Variants in RNF19A observed in about 807,000 individuals in gnomAD.
The protein encoded by RNF19A is ring finger protein 19A, RBR E3 ubiquitin protein ligase.
A neutral mutation model predicts 75.7 loss-of-function variants in RNF19A; 32 were observed. The observed-to-expected ratio is 0.42, with a 90% CI of 0.32 to 0.57. The LOEUF (loss-of-function observed/expected upper bound fraction) is 0.57. Ranked by LOEUF, RNF19A falls within the 20% of genes least tolerant of loss-of-function variation. RNF19A has a pLI of 0.10. For synonymous variants in RNF19A, 335 were observed against 345.2 expected (o/e 0.97, Z 0.33); for missense variants, 782 against 1,036.3 (o/e 0.75, Z 3.37).
At chr8:100,270,458 G>A (rs1380342209) in intron 3 of RNF19A, among the ~76,000 whole-genome samples, 2 of 152,042 alleles carry the variant, frequency 1.3e-5, no homozygotes, top group Non-Finnish European at 2.9e-5. Flanking sequence ...ACTAACAGGA[G>A]GTGACAATTT....
chr8:100,267,193 T>C (rs1324281423), intron 5 of RNF19A, among the ~76,000 whole-genome samples: 1 of 152,202 alleles, frequency 6.6e-6, no homozygotes, highest in African/African-American at 2.4e-5. Context: ...TATTAAGAAT[T>C]CATGCATCTG....
intron 1 of RNF19A, among the ~76,000 whole-genome samples, chr8:100,290,732 T>C (rs1416791034): frequency 6.6e-6 from 1 of 152,232 alleles, no homozygotes; most frequent in Non-Finnish European, 1.5e-5. Context: ...TGTCGTGTGA[T>C]CACAGAGCAC....
rs73282760 is a variant in RNF19A, at chr8:100,305,873, C to T, written c.-94+3994G>A. Reference sequence around the variant, plus strand: ...CCATTTTCAGGGGCAAATACCAATACGTGACTTAGAAATCACAAAATATAA... The same window carrying T: ...CCATTTTCAGGGGCAAATACCAATATGTGACTTAGAAATCACAAAATATAA... On this transcript the variant is annotated intron_variant, in intron 1 of 9. Coordinates refer to ENST00000341084, the MANE Select transcript of RNF19A (RefSeq NM_183419.4). Among the ~76,000 whole-genome samples the T allele has an allele frequency of 5.5e-3, 830 of 152,250 alleles. 11 individuals carry two copies. The highest frequency in any genetic ancestry group is 0.019 in the African/African-American group (801 of 41,534).
At chr8:100,268,753 G>T in intron 5 of RNF19A, 32 bp downstream of exon 5, 4 of 1,296,614 alleles carry the variant, frequency 3.1e-6, no homozygotes, top group South Asian at 1.7e-5. Flanking sequence ...TTTAGAATAA[G>T]ATAATGGACT....
chr8:100,259,762 GTA>G lies in RNF19A; in HGVS notation c.1826+90_1826+91del. ...CTTTTCTCAGAGAACTTAATAGTTG[GTA>G]GCCACTTTTCACTGGTAATTTGTCT... On this transcript the variant is annotated intron_variant, in intron 9 of 9. Transcript: ENST00000341084. The surrounding 1 kb of genome is among the most constrained non-coding windows in gnomAD (Gnocchi z 4.5). The G allele has an allele frequency of 8.8e-7, 1 of 1,132,598 alleles. No individual in the cohort carries two copies. The highest frequency in any genetic ancestry group is 1.3e-6 in the Non-Finnish European group (1 of 796,368). 70.2% of individuals were successfully genotyped at this position (1,132,598 alleles called of 1,614,324 possible).
chr8:100,319,144 CAT>C (rs372442795), intron 1 of RNF19A, among the ~76,000 whole-genome samples: 10 of 152,282 alleles, frequency 6.6e-5, no homozygotes, highest in African/African-American at 2.4e-4. Flanking sequence ...CAAAGATGGA[CAT>C]TCTATGGATG....
rs1455272967 is a variant in RNF19A, at chr8:100,261,728, T to C, written c.1496A>G (p.His499Arg). ...VDTTSVAEAR[H>R]NPSIGEGSVG... ...ACTTCCCTCCCCTATGCTTGGGTTG[T>C]GTCTTGCTTCTGCTACTGATGTTGT... Residue 499 changes from histidine to arginine, a missense_variant, in exon 8 of 10, where the codon CAC becomes CGC. By Grantham distance (29) the His-to-Arg change is conservative. Coordinates refer to ENST00000341084, the MANE Select transcript of RNF19A (RefSeq NM_183419.4). This position sits in a 1 kb window ranked among gnomAD's most constrained non-coding sequence, Gnocchi z 4.4. The C allele has an allele frequency of 3.1e-6, 5 of 1,614,082 alleles. No individual in the cohort carries two copies. Among genetic ancestry groups the C allele is most frequent in the Non-Finnish European group, 8.5e-7 (1 of 1,180,022 alleles).
chr8:100,291,227 A>G (rs1233960584), intron 1 of RNF19A, among the ~76,000 whole-genome samples: 1 of 152,202 alleles, frequency 6.6e-6, no homozygotes, highest in African/African-American at 2.4e-5. Context: ...ATAATATGAA[A>G]TTGACATGTG....
rs182407265 is a variant in RNF19A at position 100,264,945 on chromosome 8, A to G, written c.1192-160T>C. On this transcript the variant is annotated intron_variant, in intron 5 of 9. Transcript: ENST00000341084. The surrounding 1 kb of genome is among the most constrained non-coding windows in gnomAD (Gnocchi z 4.7). ...CCTACTAGTGTCCTTAAACTATTAT[A>G]TATTCTCACAAATAATTTGCTCCTT... Among the ~76,000 whole-genome samples, 233 of 152,348 alleles carry G rather than the reference A, an allele frequency of 1.5e-3. 7 individuals carry two copies. Among genetic ancestry groups the G allele is most frequent in the Admixed American group, 0.015 (225 of 15,306 alleles).
At chr8:100,288,536 T>C (rs1352992444) in intron 1 of RNF19A, among the ~76,000 whole-genome samples, 2 of 152,218 alleles carry the variant, frequency 1.3e-5, no homozygotes. Context: ...ACTTCAATGA[T>C]TTCTCACTGC....
intron 1 of RNF19A, among the ~76,000 whole-genome samples, chr8:100,289,562 C>T (rs1160593737): frequency 1.3e-5 from 2 of 152,238 alleles, no homozygotes; most frequent in South Asian, 2.1e-4. Context: ...CATCATCAGT[C>T]ATCAGGAAAA....
intron 5 of RNF19A, among the ~76,000 whole-genome samples, chr8:100,267,699 G>A (rs981365074): frequency 2.2e-5 from 3 of 137,478 alleles, no homozygotes; most frequent in Admixed American, 7.5e-5. Flanking sequence ...TTTTTGAGAT[G>A]GAGTTTTGCT....
intron 1 of RNF19A, among the ~76,000 whole-genome samples, chr8:100,291,497 A>G (rs1449722437): frequency 2.0e-5 from 3 of 152,210 alleles, no homozygotes; most frequent in African/African-American, 7.2e-5. Flanking sequence ...GTATCCTGAC[A>G]CTACAACTTC....
intron 1 of RNF19A, among the ~76,000 whole-genome samples, chr8:100,295,766 A>G (rs546478791): frequency 8.5e-5 from 13 of 152,272 alleles, no homozygotes; most frequent in African/African-American, 2.6e-4. Context: ...TACCCAAGCT[A>G]ATTTTGGCCC....
At chr8:100,315,908 C>T (rs184580877) in intron 1 of RNF19A, among the ~76,000 whole-genome samples, 199 of 152,296 alleles carry the variant, frequency 1.3e-3, no homozygotes, top group African/African-American at 4.6e-3. Context: ...CACAAGCTCT[C>T]CAGGTAATTC....
Position 100,264,321 on chromosome 8 carries a change from T to C in RNF19A, c.1307-126A>G, listed in dbSNP as rs1011189159. Reference sequence around the variant, plus strand: ...AGCGCCAGGGTTCTGAAGAGTTGGCTGGAACATTTGCCAAAAGTAGATTTA... The same window carrying C: ...AGCGCCAGGGTTCTGAAGAGTTGGCCGGAACATTTGCCAAAAGTAGATTTA... On this transcript the variant is annotated intron_variant, in intron 6 of 9. Coordinates refer to ENST00000341084, the MANE Select transcript of RNF19A (RefSeq NM_183419.4). This position sits in a 1 kb window ranked among gnomAD's most constrained non-coding sequence, Gnocchi z 4.7. The C allele has an allele frequency of 4.8e-6, 4 of 826,868 alleles. No individual in the cohort carries two copies. The highest frequency in any genetic ancestry group is 5.5e-6 in the Non-Finnish European group (3 of 549,148). 51.2% of individuals were successfully genotyped at this position (826,868 alleles called of 1,614,324 possible).
chr8:100,273,400 T>C (rs1820353082), intron 3 of RNF19A, among the ~76,000 whole-genome samples: 1 of 152,214 alleles, frequency 6.6e-6, no homozygotes, highest in Non-Finnish European at 1.5e-5. Flanking sequence ...TATGATACTC[T>C]AGCTGCTAGA....
upstream of RNF19A, chr8:100,312,319 G>C (rs1822311894): frequency 2.0e-5 from 3 of 152,242 alleles, no homozygotes; most frequent in African/African-American, 7.2e-5. Context: ...AACTCCCCAA[G>C]TGTGCTGGGC....
chr8:100,257,187 T>A lies in RNF19A; in HGVS notation c.*1369A>T, dbSNP rs894593688. The A allele has an allele frequency of 1.3e-5, 2 of 152,582 alleles. No homozygotes were observed. The highest frequency in any genetic ancestry group is 4.8e-5 in the African/African-American group (2 of 41,434). 9.5% of individuals were successfully genotyped at this position (152,582 alleles called of 1,614,324 possible). On this transcript the variant is annotated 3_prime_UTR_variant, in exon 10 of 10. Transcript: ENST00000341084. Reference sequence around the variant, plus strand: ...TATCAAATAAAATAACTGGCACTAGTGTTATAAGCATATTAATGGACCTGG... The same window carrying A: ...TATCAAATAAAATAACTGGCACTAGAGTTATAAGCATATTAATGGACCTGG...
Sources: gnomAD v4.1 joint callset for allele counts (sites outside exome capture counted in the v4.1 genomes callset) on GRCh38, gnomAD v4.1.1 for gene constraint, Gnocchi (gnomAD v3.1) non-coding constraint, MANE v1.5 for transcripts, NCBI Gene and HGNC (gene_info 2026-07-23, HGNC 2026-07-21) for gene names.